The following PLEKHG5 variants were observed in gnomAD, a reference collection of about 807,000 sequenced individuals.
PLEKHG5 encodes the protein pleckstrin homology domain-containing family G member 5.
PLEKHG5 carries 52 observed loss-of-function variants against 103.8 expected under a neutral mutation model. That is an observed-to-expected ratio of 0.50 (90% confidence interval 0.40 to 0.63). PLEKHG5 has a LOEUF of 0.63. Among genes scored for constraint, PLEKHG5 ranks in the 30% least tolerant of loss-of-function variants. PLEKHG5 has a pLI of 0.00. For missense variants in PLEKHG5, 1,205 were observed against 1,347.6 expected, an observed-to-expected ratio of 0.89 and a Z score of 1.66; for synonymous variants, 592 against 575.5, an observed-to-expected ratio of 1.03 and a Z score of -0.41.
At chr1:6,475,408 G>T (rs1644737483) in intron 4 of PLEKHG5, 54 bp downstream of exon 4, 1 of 1,507,312 alleles carries the variant, frequency 6.6e-7, no homozygotes, top group Admixed American at 1.7e-5. Flanking sequence ...CAGGCTCGGG[G>T]AAGGGCGCAG....
chr1:6,515,029 G>A (rs923102992), intron 1 of PLEKHG5, among the ~76,000 whole-genome samples: 3 of 152,094 alleles, frequency 2.0e-5, no homozygotes, highest in African/African-American at 7.2e-5. Flanking sequence ...ACTCCAGCCT[G>A]GCGAGAGAGC....
At chr1:6,475,712 G>T (rs548824373) in intron 3 of PLEKHG5, among the ~76,000 whole-genome samples, 190 bp from the exon 4 acceptor site, 12 of 152,188 alleles carry the variant, frequency 7.9e-5, no homozygotes, top group African/African-American at 2.2e-4. Flanking sequence ...CACATCGAAC[G>T]GTACCTGGTC....
chr1:6,480,688 A>C, intron 1 of PLEKHG5, among the ~76,000 whole-genome samples: 1 of 150,232 alleles, frequency 6.7e-6, no homozygotes, highest in Non-Finnish European at 1.5e-5. Context: ...TCACTCTGTC[A>C]CCCAATCTGG....
intron 1 of PLEKHG5, chr1:6,485,876 A>T (rs1645024849): frequency 1.0e-6 from 1 of 985,992 alleles, no homozygotes; most frequent in Admixed American, 6.2e-5. Context: ...CTCTTCTCTG[A>T]CTCCCTCCTC....
In PLEKHG5 at chr1:6,486,686, C is replaced by A. The variant is rs1301740518; in HGVS notation, c.-88+4951G>T. On this transcript the variant is annotated intron_variant, in intron 1 of 20. Transcript: ENST00000377728. The surrounding 1 kb of genome is among the most constrained non-coding windows in gnomAD (Gnocchi z 5.3). ...GCCTGAGAGGACGCAAACGCCCAGACTCTGGTGCTGGAGTCACCACTACAC... is the reference window on the plus strand; with the variant it reads ...GCCTGAGAGGACGCAAACGCCCAGAATCTGGTGCTGGAGTCACCACTACAC... Among the ~76,000 whole-genome samples, 2 of 152,250 alleles carry A rather than the reference C, an allele frequency of 1.3e-5. No individual in the cohort carries two copies. The highest frequency in any genetic ancestry group is 4.8e-5 in the African/African-American group (2 of 41,454).
rs936745359 is a variant in PLEKHG5 at position 6,491,631 on chromosome 1, A to T, written c.-88+6T>A. ...AGAATAGGTGATTGCCTCTCCCATT[A>T]CTCACATCCTGCCCGTCCCTTCTCC... On this transcript the variant is annotated splice_donor_region_variant and intron_variant, in intron 1 of 20. Transcript: ENST00000377728. The surrounding 1 kb of genome is among the most constrained non-coding windows in gnomAD (Gnocchi z 4.1). 8.1e-6 allele frequency: 8 copies of T among 983,580 alleles called. No homozygotes were observed. In the African/African-American group the frequency reaches 1.4e-4, roughly 17 times the overall value. 60.9% of individuals were successfully genotyped at this position (983,580 alleles called of 1,614,324 possible).
chr1:6,507,555 GA>G (rs1638358414), intron 1 of PLEKHG5, among the ~76,000 whole-genome samples: 2 of 152,184 alleles, frequency 1.3e-5, no homozygotes, highest in Non-Finnish European at 2.9e-5. Flanking sequence ...TAACAGACCA[GA>G]TGCCTGGCAA....
rs573606868 is a variant in PLEKHG5 at position 6,502,401 on chromosome 1, G to A, written c.-164-5832C>T. Among the ~76,000 whole-genome samples, 66 of 152,358 alleles carry A rather than the reference G, an allele frequency of 4.3e-4. No homozygotes were observed. The South Asian group carries it at 0.013, about 31-fold the overall frequency. On this transcript the variant is annotated intron_variant, in intron 1 of 21. Transcript: ENST00000377740. ...CCTACAGCCCAGAACCACCGCTGGCGTAGTCCCCGGGGACCGGAGAGCTGA... is the reference window on the plus strand; with the variant it reads ...CCTACAGCCCAGAACCACCGCTGGCATAGTCCCCGGGGACCGGAGAGCTGA...
chr1:6,478,357 CG>C (rs1553176295), intron 1 of PLEKHG5, among the ~76,000 whole-genome samples: 1 of 152,062 alleles, frequency 6.6e-6, no homozygotes, highest in Non-Finnish European at 1.5e-5. Flanking sequence ...TTTGTAGAGA[CG>C]GGGTTTCACC....
At chr1:6,481,132 C>A (rs1644886555) in intron 1 of PLEKHG5, among the ~76,000 whole-genome samples, 1 of 152,160 alleles carries the variant, frequency 6.6e-6, no homozygotes, top group Non-Finnish European at 1.5e-5. Context: ...CTACCCCCAT[C>A]CCCCACAATA....
intron 1 of PLEKHG5, among the ~76,000 whole-genome samples, chr1:6,517,435 C>T (rs530756011): frequency 2.7e-4 from 41 of 152,222 alleles, no homozygotes; most frequent in African/African-American, 9.4e-4. Context: ...GTCACCCACA[C>T]CTGGACGCAA....
intron 1 of PLEKHG5, 76 bp from the exon 2 acceptor site, chr1:6,477,734 G>A: frequency 6.6e-7 from 1 of 1,516,556 alleles, no homozygotes; most frequent in Non-Finnish European, 9.0e-7. Context: ...GCGCTGCAGG[G>A]ACTTAGAATG....
chr1:6,476,693 T>C (rs1644772653), intron 2 of PLEKHG5, among the ~76,000 whole-genome samples: 1 of 152,090 alleles, frequency 6.6e-6, no homozygotes, highest in Non-Finnish European at 1.5e-5. Context: ...AGGCCTCCCC[T>C]CCCCCATGCT....
intron 1 of PLEKHG5, among the ~76,000 whole-genome samples, chr1:6,518,570 A>AG (rs928441190): frequency 3.3e-5 from 5 of 151,724 alleles, no homozygotes; most frequent in African/African-American, 1.2e-4. Context: ...AAAAAAAAAA[A>AG]AAAAAGAAAA....
At chr1:6,492,691 TGA>T, upstream of PLEKHG5, among the ~76,000 whole-genome samples, 1 of 152,146 alleles carries the variant, frequency 6.6e-6, no homozygotes, top group Non-Finnish European at 1.5e-5. Flanking sequence ...ATTTTCCAGA[TGA>T]GGAACCTGGG....
Position 6,471,055 on chromosome 1 carries a change from C to T in PLEKHG5, c.1327G>A (p.Glu443Lys), listed in dbSNP as rs750665866. The change falls in exon 13 of 21, where the codon GAG becomes AAG. Residue 443 changes from glutamate (E) to lysine (K), a missense_variant. Physicochemically the swap from Glu to Lys is moderately conservative, Grantham distance 56 (BLOSUM62 1). Transcript: ENST00000377728. ...KPYIRYCMEE[E>K]GCMEYMRGLL... ...CCGCGCATGTACTCCATGCAGCCCT[C>T]CTCCTCCATGCAGTAGCGGATGTAG... The T allele has an allele frequency of 7.5e-6, 12 of 1,603,348 alleles. No homozygotes were observed. Among genetic ancestry groups the T allele is most frequent in the South Asian group, 1.1e-5 (1 of 89,302 alleles).
intron 1 of PLEKHG5, among the ~76,000 whole-genome samples, chr1:6,506,608 A>G (rs763005109): frequency 3.3e-5 from 5 of 152,250 alleles, no homozygotes; most frequent in Non-Finnish European, 5.9e-5. Flanking sequence ...CCCCAGTGGA[A>G]CCCTGCAGGA....
Position 6,490,103 on chromosome 1 carries a change from G to C in PLEKHG5, c.-88+1534C>G. ...GACCGACTCCGGGACTGGCCAGATG[G>C]GGAGGATCGGCTGAGCCTCCCAGCC... On this transcript the variant is annotated intron_variant, in intron 1 of 20. Transcript: ENST00000377728. This position sits in a 1 kb window ranked among gnomAD's most constrained non-coding sequence, Gnocchi z 8.0. Among the ~76,000 whole-genome samples, 1 of 152,108 alleles carries C rather than the reference G, an allele frequency of 6.6e-6. No individual in the cohort carries two copies. Among genetic ancestry groups the C allele is most frequent in the African/African-American group, 2.4e-5 (1 of 41,414 alleles).
upstream of PLEKHG5, chr1:6,496,640 A>G (rs549469963): frequency 2.6e-5 from 29 of 1,135,438 alleles, no homozygotes; most frequent in East Asian, 3.3e-4. Flanking sequence ...TGGCCTCCCA[A>G]CCGGAGGAGG....
Sources: allele counts gnomAD v4.1 joint callset (sites outside exome capture counted in the v4.1 genomes callset), GRCh38; gene constraint gnomAD v4.1.1; non-coding constraint Gnocchi (gnomAD v3.1); transcripts MANE v1.5; gene names NCBI Gene and HGNC (gene_info 2026-07-23, HGNC 2026-07-21).